The following SPON1 variants were observed in gnomAD, a reference collection of about 807,000 sequenced individuals.
The protein encoded by SPON1 is spondin 1, also known as spondin-1.
A neutral mutation model predicts 111.7 loss-of-function variants in SPON1; 52 were observed. That is an observed-to-expected ratio of 0.47 (90% confidence interval 0.37 to 0.59). The LOEUF is 0.59. Among genes scored for constraint, SPON1 ranks in the 20% least tolerant of loss-of-function variants. The pLI is 0.00. For missense variants in SPON1, 957 were observed against 1,068.5 expected, an observed-to-expected ratio of 0.90 and a Z score of 1.46; for synonymous variants, 410 against 395.8, an observed-to-expected ratio of 1.04 and a Z score of -0.43.
At chr11:14,080,169 C>A in intron 5 of SPON1, 148 bp downstream of exon 5, 1 of 832,572 alleles carries the variant, frequency 1.2e-6, no homozygotes, top group Non-Finnish European at 1.9e-6. Flanking sequence ...GTATATTAAT[C>A]AAGACAGGCA....
chr11:14,142,203 G>C (rs1847664647), intron 6 of SPON1, among the ~76,000 whole-genome samples: 1 of 152,172 alleles, frequency 6.6e-6, no homozygotes, highest in African/African-American at 2.4e-5. Flanking sequence ...GAGATTGCTG[G>C]ATGTTAGCTA....
At chr11:14,252,800 T>G (rs1202218467) in intron 7 of SPON1, among the ~76,000 whole-genome samples, 5 of 152,214 alleles carry the variant, frequency 3.3e-5, no homozygotes, top group Non-Finnish European at 5.9e-5. Flanking sequence ...GAAAGATGAG[T>G]GGGCCCAGCA....
In SPON1 at chr11:14,259,371, G is replaced by A; in HGVS notation, c.1584G>A (p.Val528=). The change falls in exon 12 of 16, where the codon GTG becomes GTA. Residue 528 remains valine, a synonymous_variant. Transcript: ENST00000576479. This position sits in a 1 kb window ranked among gnomAD's most constrained non-coding sequence, Gnocchi z 5.0. ...GCATGAGGTCCCGGGAGAGGTATGTGAAGCAGTTCCCGGAGGACGGCTCCG... is the reference window on the plus strand; with the variant it reads ...GCATGAGGTCCCGGGAGAGGTATGTAAAGCAGTTCCCGGAGGACGGCTCCG... ...GMGMRSRERY[V]KQFPEDGSVC... The A allele has an allele frequency of 6.2e-7, 1 of 1,611,976 alleles. No individual in the cohort carries two copies. The highest frequency in any genetic ancestry group is 1.7e-5 in the Admixed American group (1 of 59,818).
intron 3 of SPON1, among the ~76,000 whole-genome samples, chr11:14,047,719 G>T (rs1399493870): frequency 6.6e-6 from 1 of 152,098 alleles, no homozygotes; most frequent in East Asian, 1.9e-4. Context: ...AGGTAAAAGG[G>T]GTGGATAAAG....
Position 14,260,687 on chromosome 11 carries a change from T to C in SPON1, c.1931T>C (p.Leu644Pro), listed in dbSNP as rs1849161652. 1.9e-6 allele frequency: 3 copies of C among 1,614,020 alleles called. No homozygotes were observed. The highest frequency in any genetic ancestry group is 2.5e-6 in the Non-Finnish European group (3 of 1,179,894). The change falls in exon 14 of 16, where the codon CTG becomes CCG. Residue 644 changes from leucine to proline, a missense_variant. Around this residue, in one of 5 missense-constraint regions of SPON1, gnomAD observed 549 missense variants for 606.2 expected, o/e 0.91. Coordinates refer to ENST00000576479, the MANE Select transcript of SPON1 (RefSeq NM_006108.4). ...MRTRQRMLKS[L>P]AELGDCNEDL... ...ACCCGACAGCGGATGCTCAAGTCTC[T>C]GGCAGAACTTGGAGACTGCAATGAG... is the stretch of plus-strand genomic sequence containing the variant.
At chr11:14,077,065 G>A (rs1457808903) in intron 4 of SPON1, among the ~76,000 whole-genome samples, 1 of 152,196 alleles carries the variant, frequency 6.6e-6, no homozygotes, top group Non-Finnish European at 1.5e-5. Flanking sequence ...ACTTGTGGGT[G>A]TTTTGGATCA....
At chr11:14,261,877 C>A (rs1329958407) in intron 14 of SPON1, among the ~76,000 whole-genome samples, 3 of 152,084 alleles carry the variant, frequency 2.0e-5, no homozygotes, top group African/African-American at 7.2e-5. Flanking sequence ...CCCCATTTTG[C>A]AGATAAGAAA....
At chr11:14,040,377 A>G (rs1848623194) in intron 2 of SPON1, among the ~76,000 whole-genome samples, 1 of 152,228 alleles carries the variant, frequency 6.6e-6, no homozygotes, top group Non-Finnish European at 1.5e-5. Flanking sequence ...AAGTTGAATG[A>G]AAGAACCATT....
At chr11:14,240,598 T>A (rs1342082896) in intron 6 of SPON1, among the ~76,000 whole-genome samples, 1 of 143,220 alleles carries the variant, frequency 7.0e-6, no homozygotes, top group African/African-American at 2.7e-5. Flanking sequence ...ATTGTGTGTG[T>A]GTGTGTGTGT....
chr11:14,158,729 G>A (rs1490028224), intron 6 of SPON1, among the ~76,000 whole-genome samples: 1 of 152,108 alleles, frequency 6.6e-6, no homozygotes, highest in African/African-American at 2.4e-5. Context: ...ACTTTGTTTT[G>A]TTTTATTCAT....
At chr11:14,106,978 T>C (rs1849189645) in intron 5 of SPON1, among the ~76,000 whole-genome samples, 1 of 152,104 alleles carries the variant, frequency 6.6e-6, no homozygotes, top group South Asian at 2.1e-4. Context: ...GAAGCAAAAC[T>C]TTTTCACAAC....
intron 5 of SPON1, among the ~76,000 whole-genome samples, chr11:14,107,590 G>GA (rs3047369): frequency 0.021 from 2,509 of 119,194 alleles, 34 homozygotes; most frequent in Non-Finnish European, 0.026. Flanking sequence ...AGATCCTCAG[G>GA]AAAAAAAAAA....
At chr11:14,218,604 G>A (rs1318604881) in intron 6 of SPON1, among the ~76,000 whole-genome samples, 1 of 148,310 alleles carries the variant, frequency 6.7e-6, no homozygotes, top group Non-Finnish European at 1.5e-5. Context: ...CAGGTGTTAG[G>A]CATACCCTAG....
intron 2 of SPON1, among the ~76,000 whole-genome samples, chr11:13,983,375 T>C (rs1359339101): frequency 6.6e-6 from 1 of 152,200 alleles, no homozygotes; most frequent in Admixed American, 6.5e-5. Flanking sequence ...ATTAAGGGAA[T>C]GTAGAGATTG....
intron 3 of SPON1, among the ~76,000 whole-genome samples, chr11:14,057,831 C>CAAAAAAAAAAAAAAAAAAAAAAAAA (rs782306609): frequency 1.2e-4 from 12 of 100,572 alleles, no homozygotes; most frequent in African/African-American, 2.4e-4. Context: ...CTTGTCTCTA[C>CAAAAAAAAAAAAAAAAAAAAAAAAA]AAAAAAAAAA....
intron 6 of SPON1, among the ~76,000 whole-genome samples, chr11:14,171,720 T>C (rs1795967202): frequency 1.3e-5 from 2 of 151,842 alleles, no homozygotes; most frequent in African/African-American, 4.8e-5. Flanking sequence ...TCAAAGAACA[T>C]CTTTATTTCT....
At chr11:14,201,296 C>A (rs369102827) in intron 6 of SPON1, among the ~76,000 whole-genome samples, 3 of 151,734 alleles carry the variant, frequency 2.0e-5, no homozygotes, top group Non-Finnish European at 2.9e-5. Context: ...GCCAAGATCA[C>A]GCCACTGCAC....
chr11:14,193,286 C>T (rs1368906709), intron 6 of SPON1, among the ~76,000 whole-genome samples: 1 of 152,118 alleles, frequency 6.6e-6, no homozygotes, highest in Non-Finnish European at 1.5e-5. Flanking sequence ...GGCAGGAAGG[C>T]CTGGGAGATG....
intron 2 of SPON1, among the ~76,000 whole-genome samples, chr11:14,029,196 C>A (rs1435885823): frequency 6.6e-6 from 1 of 152,030 alleles, no homozygotes; most frequent in Non-Finnish European, 1.5e-5. Flanking sequence ...ACTTGAGGCT[C>A]CCAAGCCAAA....
Sources: allele counts gnomAD v4.1 joint callset (sites outside exome capture counted in the v4.1 genomes callset), GRCh38; gene constraint gnomAD v4.1.1; regional missense constraint gnomAD v4.1.1; non-coding constraint Gnocchi (gnomAD v3.1); transcripts MANE v1.5; gene names NCBI Gene and HGNC (gene_info 2026-07-23, HGNC 2026-07-21).